AKAP6: variants seen among roughly 807,000 people sequenced by gnomAD.
AKAP6 encodes A-kinase anchoring protein 6.
AKAP6 carries 58 observed loss-of-function variants against 188.5 expected under a neutral mutation model. The observed-to-expected ratio is 0.31, with a 90% CI of 0.25 to 0.38. AKAP6 has a LOEUF of 0.38. Ranked by LOEUF, AKAP6 falls within the 10% of genes least tolerant of loss-of-function variation. The pLI is 1.00. For missense variants in AKAP6, 2,710 were observed against 2,740.0 expected, an observed-to-expected ratio of 0.99 and a Z score of 0.24; for synonymous variants, 989 against 998.6, an observed-to-expected ratio of 0.99 and a Z score of 0.18.
intron 12 of AKAP6, among the ~76,000 whole-genome samples, chr14:32,798,493 C>T (rs2033842589): frequency 6.6e-6 from 1 of 152,094 alleles, no homozygotes; most frequent in South Asian, 2.1e-4. Context: ...CAACAATAGA[C>T]TGGATAAAGA....
chr14:32,798,278 G>A (rs1278407874), intron 12 of AKAP6, among the ~76,000 whole-genome samples: 1 of 152,136 alleles, frequency 6.6e-6, no homozygotes, highest in African/African-American at 2.4e-5. Flanking sequence ...AAAAGGGAAA[G>A]CTTATACACT....
intron 4 of AKAP6, among the ~76,000 whole-genome samples, chr14:32,556,454 T>G (rs1883692574): frequency 6.6e-6 from 1 of 152,150 alleles, no homozygotes; most frequent in East Asian, 1.9e-4. Flanking sequence ...TCGATCCACC[T>G]GCCTCAGTCT....
intron 11 of AKAP6, among the ~76,000 whole-genome samples, chr14:32,743,642 CA>C (rs2139872847): frequency 6.6e-6 from 1 of 152,108 alleles, no homozygotes; most frequent in East Asian, 1.9e-4. Flanking sequence ...AACAAACAAG[CA>C]AAAAGAAAAC....
chr14:32,562,056 C>T (rs1016709567), intron 4 of AKAP6, among the ~76,000 whole-genome samples: 25 of 152,226 alleles, frequency 1.6e-4, no homozygotes, highest in African/African-American at 6.0e-4. Flanking sequence ...GCAACTTTAT[C>T]CAGGAAAGGT....
chr14:32,378,757 A>C (rs1185276691), intron 1 of AKAP6, among the ~76,000 whole-genome samples: 1 of 152,208 alleles, frequency 6.6e-6, no homozygotes, highest in African/African-American at 2.4e-5. Flanking sequence ...CTGGGGAAAA[A>C]TAATACTTAT....
chr14:32,483,003 A>ATGTGTGTGTGTGTGTGTG (rs1415706046), intron 2 of AKAP6, among the ~76,000 whole-genome samples: 1 of 77,812 alleles, frequency 1.3e-5, no homozygotes, highest in South Asian at 1.2e-3. Flanking sequence ...ATATATATAT[A>ATGTGTGTGTGTGTGTGTG]TATATATATG....
chr14:32,543,325 C>T (rs911640950), intron 3 of AKAP6, among the ~76,000 whole-genome samples: 2 of 152,282 alleles, frequency 1.3e-5, no homozygotes, highest in Admixed American at 6.5e-5. Flanking sequence ...GCTTATTTCA[C>T]TTAACATAAT....
At chr14:32,757,336 G>T (rs1374182180) in intron 11 of AKAP6, among the ~76,000 whole-genome samples, 1 of 152,116 alleles carries the variant, frequency 6.6e-6, no homozygotes, top group African/African-American at 2.4e-5. Context: ...ATCCTCCTAG[G>T]AGGCTAGGTT....
chr14:32,496,080 G>T (rs1338111915), intron 2 of AKAP6, among the ~76,000 whole-genome samples: 2 of 152,030 alleles, frequency 1.3e-5, no homozygotes, highest in African/African-American at 4.8e-5. Context: ...TGATGCTTTG[G>T]GACTTCTACC....
intron 12 of AKAP6, among the ~76,000 whole-genome samples, chr14:32,782,847 T>G (rs1051960418): frequency 1.1e-4 from 17 of 151,914 alleles, no homozygotes; most frequent in Non-Finnish European, 8.8e-5. Flanking sequence ...TCTATAGAAT[T>G]AATGTAATCC....
intron 4 of AKAP6, among the ~76,000 whole-genome samples, chr14:32,563,632 C>G (rs1209074838): frequency 6.6e-6 from 1 of 152,130 alleles, no homozygotes; most frequent in Non-Finnish European, 1.5e-5. Context: ...ACAACTCTCA[C>G]CCACAGTGGT....
intron 6 of AKAP6, among the ~76,000 whole-genome samples, chr14:32,600,381 T>C (rs1885876255): frequency 6.6e-6 from 1 of 152,232 alleles, no homozygotes; most frequent in Admixed American, 6.5e-5. Flanking sequence ...TTTAAGTCAA[T>C]ATACTGAGTC....
At chr14:32,785,415 T>C (rs972256151) in intron 12 of AKAP6, among the ~76,000 whole-genome samples, 7 of 152,214 alleles carry the variant, frequency 4.6e-5, no homozygotes, top group Admixed American at 1.3e-4. Flanking sequence ...TTTTAATATA[T>C]ATTTTTAAGA....
intron 4 of AKAP6, among the ~76,000 whole-genome samples, chr14:32,552,532 A>AG (rs1883521488): frequency 6.6e-6 from 1 of 152,206 alleles, no homozygotes; most frequent in African/African-American, 2.4e-5. Flanking sequence ...ATAAAGACTA[A>AG]GGGGAAAAAA....
At chr14:32,695,868 C>A (rs1890381772) in intron 8 of AKAP6, 122 bp from the exon 9 acceptor site, 2 of 1,231,006 alleles carry the variant, frequency 1.6e-6, no homozygotes, top group Admixed American at 3.4e-5. Context: ...TAGAAATTTT[C>A]TCTTCTCTTA....
intron 1 of AKAP6, among the ~76,000 whole-genome samples, chr14:32,338,415 T>G (rs968915053): frequency 2.0e-5 from 3 of 152,162 alleles, no homozygotes; most frequent in African/African-American, 7.2e-5. Flanking sequence ...TAAAGTGATA[T>G]TTTTGCAATA....
chr14:32,723,559 A>ATG (rs35524964), intron 9 of AKAP6, among the ~76,000 whole-genome samples: 10 of 137,142 alleles, frequency 7.3e-5, no homozygotes, highest in East Asian at 4.1e-4. Flanking sequence ...GTATGTGTTT[A>ATG]TGTGTGTGTG....
At chr14:32,800,982 G>A (rs537673189) in intron 12 of AKAP6, among the ~76,000 whole-genome samples, 8 of 152,128 alleles carry the variant, frequency 5.3e-5, no homozygotes, top group East Asian at 1.9e-4. Flanking sequence ...GTACCACTAC[G>A]TGCCAGCCTG....
intron 9 of AKAP6, among the ~76,000 whole-genome samples, chr14:32,714,337 A>G (rs1349654299): frequency 1.3e-5 from 2 of 152,088 alleles, no homozygotes; most frequent in Non-Finnish European, 2.9e-5. Flanking sequence ...CTATGGAAAA[A>G]TTGTGCCAAT....
Sources: gnomAD v4.1 joint callset for allele counts (sites outside exome capture counted in the v4.1 genomes callset) on GRCh38, gnomAD v4.1.1 for gene constraint, MANE v1.5 for transcripts, NCBI Gene and HGNC (gene_info 2026-07-23, HGNC 2026-07-21) for gene names.